MAPRE2: variants seen among roughly 807,000 people sequenced by gnomAD.
MAPRE2 encodes the protein microtubule associated protein RP/EB family member 2.
MAPRE2 carries 13 observed loss-of-function variants against 43.2 expected under a neutral mutation model. The ratio of observed to expected loss-of-function variants is 0.30; its 90% CI spans 0.20 to 0.48. The LOEUF (loss-of-function observed/expected upper bound fraction) is 0.48, where lower values mean the gene tolerates loss of function less well. Ranked by LOEUF, MAPRE2 falls within the 20% of genes least tolerant of loss-of-function variation. MAPRE2 has a pLI of 0.99. For missense variants in MAPRE2, 161 were observed against 400.2 expected, an observed-to-expected ratio of 0.40 and a Z score of 5.10; for synonymous variants, 135 against 148.8, an observed-to-expected ratio of 0.91 and a Z score of 0.68.
At chr18:35,102,732 T>C (rs1908737963) in intron 4 of MAPRE2, among the ~76,000 whole-genome samples, 1 of 152,170 alleles carries the variant, frequency 6.6e-6, no homozygotes, top group African/African-American at 2.4e-5. Context: ...TTAAAACTTC[T>C]GTGGATAAAA....
intron 2 of MAPRE2, among the ~76,000 whole-genome samples, chr18:35,025,922 C>A (rs2150589851): frequency 6.6e-6 from 1 of 152,330 alleles, no homozygotes; most frequent in East Asian, 1.9e-4. Flanking sequence ...TTCAATCTTA[C>A]TCTTTCTATA....
At chr18:35,122,714 C>T (rs1909736225) in intron 4 of MAPRE2, among the ~76,000 whole-genome samples, 1 of 152,196 alleles carries the variant, frequency 6.6e-6, no homozygotes, top group African/African-American at 2.4e-5. Context: ...GCCTGATTTT[C>T]ATCGCCTGCA....
chr18:35,070,534 CACGTATTGGAAAGGTCTCT>C, intron 2 of MAPRE2: 1 of 360,200 alleles, frequency 2.8e-6, no homozygotes, highest in Non-Finnish European at 5.0e-6. Flanking sequence ...GCCACACGGA[CACGTATTGGAAAGGTCTCT>C]TGCTTGAGCT....
intron 4 of MAPRE2, among the ~76,000 whole-genome samples, chr18:35,120,285 G>T (rs1909616163): frequency 6.6e-6 from 1 of 152,170 alleles, no homozygotes; most frequent in African/African-American, 2.4e-5. Flanking sequence ...AAGGAGGACT[G>T]CCCACTCTTA....
chr18:35,090,313 A>G (rs189127943), intron 2 of MAPRE2, among the ~76,000 whole-genome samples: 2 of 152,328 alleles, frequency 1.3e-5, no homozygotes, highest in South Asian at 2.1e-4. Context: ...TCCTAGCTTT[A>G]CTAGGATAAG....
Position 35,086,657 on chromosome 18 carries a change from G to T in MAPRE2, c.251-10789G>T, listed in dbSNP as rs548261079. On this transcript the variant is annotated intron_variant, in intron 2 of 6. Coordinates refer to ENST00000300249, the MANE Select transcript of MAPRE2 (RefSeq NM_014268.4). ...TTTTACATATAATTTCCTAAAAGCA[G>T]CATAGAAAAAAGGAATGTTTTTCTT... Among the ~76,000 whole-genome samples the T allele has an allele frequency of 4.6e-5, 7 of 151,454 alleles. No individual in the cohort carries two copies. In the East Asian group the frequency reaches 1.4e-3, roughly 29 times the overall value.
intron 1 of MAPRE2, among the ~76,000 whole-genome samples, chr18:35,055,484 A>G (rs1248504463): frequency 6.6e-6 from 1 of 151,920 alleles, no homozygotes; most frequent in Non-Finnish European, 1.5e-5. Context: ...AAATAAAGTC[A>G]TAATCTGAGG....
At chr18:35,039,058 A>G (rs2097052205), upstream of MAPRE2, among the ~76,000 whole-genome samples, 1 of 152,230 alleles carries the variant, frequency 6.6e-6, no homozygotes, top group African/African-American at 2.4e-5. Context: ...TCAATGAACT[A>G]TGCATTCAAA....
chr18:34,999,793 A>G (rs2150578188), intron 1 of MAPRE2, among the ~76,000 whole-genome samples: 1 of 152,202 alleles, frequency 6.6e-6, no homozygotes, highest in South Asian at 2.1e-4. Context: ...AGATACGCTC[A>G]TTTGGTTTTT....
chr18:35,048,366 C>G (rs1309803305), intron 1 of MAPRE2, among the ~76,000 whole-genome samples: 1 of 151,916 alleles, frequency 6.6e-6, no homozygotes, highest in African/African-American at 2.4e-5. Context: ...TTAGAGGGGA[C>G]AACATCCAAA....
rs537938000 is a variant in MAPRE2, at chr18:35,033,369, A to G, written c.-8+27816A>G. Among the ~76,000 whole-genome samples the G allele has an allele frequency of 3.3e-5, 5 of 151,264 alleles. No homozygotes were observed. The South Asian group carries it at 1.0e-3, about 32-fold the overall frequency. On this transcript the variant is annotated intron_variant, in intron 2 of 7. Transcript: ENST00000413393. Reference sequence around the variant, plus strand: ...TATTGATGGGACGTATCTCAAAATAATAAGAGCTATCTATGACAAACCCAC... The same window carrying G: ...TATTGATGGGACGTATCTCAAAATAGTAAGAGCTATCTATGACAAACCCAC...
upstream of MAPRE2, among the ~76,000 whole-genome samples, chr18:35,037,516 T>C (rs2097051173): frequency 6.6e-6 from 1 of 152,176 alleles, no homozygotes; most frequent in Non-Finnish European, 1.5e-5. Flanking sequence ...ACAGGAGTTA[T>C]TTTCCAATAG....
chr18:35,128,906 C>G (rs1210280014), intron 5 of MAPRE2, among the ~76,000 whole-genome samples: 1 of 152,158 alleles, frequency 6.6e-6, no homozygotes, highest in Non-Finnish European at 1.5e-5. Context: ...ACTTCCCCTC[C>G]TTGGGGCTGG....
chr18:35,119,546 A>G (rs147218665), intron 4 of MAPRE2, among the ~76,000 whole-genome samples: 1 of 152,306 alleles, frequency 6.6e-6, no homozygotes, highest in East Asian at 1.9e-4. Flanking sequence ...CAGGTACATA[A>G]TAGGGTTATG....
rs1455962030 is a variant in MAPRE2 at position 35,041,557 on chromosome 18, A to G, written c.18A>G (p.Gln6=). 6.2e-7 allele frequency: 1 copy of G among 1,614,226 alleles called. No individual in the cohort carries two copies. The highest frequency in any genetic ancestry group is 1.7e-5 in the Admixed American group (1 of 60,028). The change falls in exon 1 of 7, where the codon CAA becomes CAG. Residue 6 remains glutamine (Q), a synonymous_variant. Coordinates refer to ENST00000300249, the MANE Select transcript of MAPRE2 (RefSeq NM_014268.4). MPGPT[Q]TLSPNGENNN... Reference sequence around the variant, plus strand: ...GTGCGCCAATGCCTGGGCCGACCCAAACCCTGTCCCCAAATGGCGAGAACA... The same window carrying G: ...GTGCGCCAATGCCTGGGCCGACCCAGACCCTGTCCCCAAATGGCGAGAACA...
intron 4 of MAPRE2, among the ~76,000 whole-genome samples, chr18:35,106,505 T>G (rs1356769424): frequency 6.6e-6 from 1 of 152,136 alleles, no homozygotes; most frequent in Non-Finnish European, 1.5e-5. Context: ...GAAAAAAAAT[T>G]GTGCTTTTAC....
intron 2 of MAPRE2, among the ~76,000 whole-genome samples, chr18:35,082,721 T>C (rs1408353661): frequency 6.6e-6 from 1 of 152,110 alleles, no homozygotes; most frequent in Non-Finnish European, 1.5e-5. Context: ...TTAAGCTCCT[T>C]GGGGACTGAA....
chr18:35,054,267 A>G (rs999544454), intron 1 of MAPRE2, among the ~76,000 whole-genome samples: 13 of 152,220 alleles, frequency 8.5e-5, no homozygotes, highest in Admixed American at 3.3e-4. Context: ...TTTGGAGAAG[A>G]TGAGGATCCT....
intron 4 of MAPRE2, among the ~76,000 whole-genome samples, chr18:35,113,237 C>T (rs897156826): frequency 1.3e-5 from 2 of 152,134 alleles, no homozygotes; most frequent in East Asian, 3.9e-4. Context: ...AACTATTGAG[C>T]AGAGAGAAGA....
Sources: allele counts gnomAD v4.1 joint callset (sites outside exome capture counted in the v4.1 genomes callset), GRCh38; gene constraint gnomAD v4.1.1; transcripts MANE v1.5; gene names NCBI Gene and HGNC (gene_info 2026-07-23, HGNC 2026-07-21).